The following CDYL variants were observed in gnomAD, a reference collection of about 807,000 sequenced individuals.
CDYL encodes the protein chromodomain Y like.
A neutral mutation model predicts 47.3 loss-of-function variants in CDYL; 8 were observed. That is an observed-to-expected ratio of 0.17 (90% confidence interval 0.10 to 0.31). The LOEUF (loss-of-function observed/expected upper bound fraction) is 0.31, where lower values mean the gene tolerates loss of function less well. CDYL is among the 10% of genes least tolerant of loss of function. The probability of loss-of-function intolerance (pLI) is 1.00; values close to 1 mark genes in which losing one functional copy is unlikely to be tolerated. For missense variants in CDYL, 471 were observed against 701.4 expected, an observed-to-expected ratio of 0.67 and a Z score of 3.71; for synonymous variants, 266 against 265.0, an observed-to-expected ratio of 1.00 and a Z score of -0.04.
At chr6:4,910,684 G>C (rs1016479490) in intron 2 of CDYL, among the ~76,000 whole-genome samples, 8 of 152,236 alleles carry the variant, frequency 5.3e-5, no homozygotes, top group African/African-American at 1.4e-4. Context: ...ACTATGAAGA[G>C]GGAAAAGGTG....
intron 1 of CDYL, among the ~76,000 whole-genome samples, chr6:4,782,731 A>G (rs1436892664): frequency 1.3e-5 from 2 of 152,220 alleles, no homozygotes; most frequent in African/African-American, 2.4e-5. Flanking sequence ...TCAGAGGGAT[A>G]TAGGACCCAA....
chr6:4,724,119 T>C (rs35836829), intron 2 of CDYL, among the ~76,000 whole-genome samples: 19,513 of 152,266 alleles, frequency 0.13, 1,530 homozygotes, highest in African/African-American at 0.23. Context: ...TGGCTCACTA[T>C]AACCTTGACC....
At chr6:4,939,488 A>G (rs1406871677) in intron 4 of CDYL, among the ~76,000 whole-genome samples, 1 of 152,218 alleles carries the variant, frequency 6.6e-6, no homozygotes, top group Non-Finnish European at 1.5e-5. Flanking sequence ...TATGATGTAC[A>G]CATGTATTTA....
At chr6:4,826,722 A>G (rs181774079) in intron 1 of CDYL, among the ~76,000 whole-genome samples, 62 of 152,260 alleles carry the variant, frequency 4.1e-4, no homozygotes, top group East Asian at 3.9e-3. Flanking sequence ...TAAGATTTCA[A>G]TTTCTTAAAA....
rs540271045 is a variant in CDYL, at chr6:4,712,234, G to A, written c.-38-3507G>A. On this transcript the variant is annotated intron_variant, in intron 1 of 8. Transcript: ENST00000328908. ...GACAGGGGCCCTGGAATTCAGGCTA[G>A]GAGCACATGTTCATGAGAGAATTAG... Among the ~76,000 whole-genome samples the A allele has an allele frequency of 2.6e-5, 4 of 152,276 alleles. No homozygotes were observed. The South Asian group carries it at 6.2e-4, about 24-fold the overall frequency.
intron 1 of CDYL, among the ~76,000 whole-genome samples, chr6:4,858,739 C>G (rs184043304): frequency 1.3e-5 from 2 of 152,294 alleles, no homozygotes; most frequent in East Asian, 1.9e-4. Flanking sequence ...TTGAATTAGA[C>G]TATTAGACTG....
At chr6:4,744,981 A>G (rs1757863539) in intron 3 of CDYL, among the ~76,000 whole-genome samples, 1 of 152,150 alleles carries the variant, frequency 6.6e-6, no homozygotes, top group African/African-American at 2.4e-5. Context: ...TTTTAGAGAC[A>G]GGCCCCTGGC....
At chr6:4,877,485 G>A (rs895506554) in intron 1 of CDYL, among the ~76,000 whole-genome samples, 6 of 152,236 alleles carry the variant, frequency 3.9e-5, no homozygotes, top group African/African-American at 1.4e-4. Flanking sequence ...GGCCTGTAAT[G>A]CATCTTGAAT....
In CDYL at chr6:4,879,772, C is replaced by T. The variant is rs142836406; in HGVS notation, c.25-11941C>T. Among the ~76,000 whole-genome samples, 1,165 of 152,136 alleles carry T rather than the reference C, an allele frequency of 7.7e-3. 17 individuals carry two copies. The highest frequency in any genetic ancestry group is 0.027 in the African/African-American group (1,123 of 41,478). ...GTGGGGTTTCACCATGTTGGCCAGGCTAGTCTTGGACTCCTGACCTCAGAT... is the reference window on the plus strand; with the variant it reads ...GTGGGGTTTCACCATGTTGGCCAGGTTAGTCTTGGACTCCTGACCTCAGAT... On this transcript the variant is annotated intron_variant, in intron 1 of 6. Transcript: ENST00000397588.
chr6:4,889,917 A>T, intron 1 of CDYL: 1 of 960,972 alleles, frequency 1.0e-6, no homozygotes, highest in Non-Finnish European at 1.2e-6. Context: ...CTGAGGAGGG[A>T]GGGACAGGAT....
rs1479641505 is a variant in CDYL at position 4,935,616 on chromosome 6, A to G, written c.793A>G (p.Arg265Gly). Residue 265 changes from arginine (R) to glycine (G), a missense_variant, in exon 3 of 7, where the codon AGA becomes GGA. Arg to Gly is a moderately radical substitution (Grantham distance 125). Transcript: ENST00000397588. ...TASKRKFIDD[R>G]RDQPFDKRLR... ...CAGCAAAAGGAAATTTATTGACGAC[A>G]GAAGAGACCAGCCTTTTGACAAGCG... 3 of 1,614,228 alleles carry G rather than the reference A, an allele frequency of 1.9e-6. No individual in the cohort carries two copies. The highest frequency in any genetic ancestry group is 2.5e-6 in the Non-Finnish European group (3 of 1,180,048).
In CDYL at chr6:4,928,482, A is replaced by G. The variant is rs574217099; in HGVS notation, c.692-7033A>G. ...GCAATTCTTCCCCTTGAACTAAGCTATCTCACAACATCTTAAAATGCCCTT... is the reference window on the plus strand; with the variant it reads ...GCAATTCTTCCCCTTGAACTAAGCTGTCTCACAACATCTTAAAATGCCCTT... On this transcript the variant is annotated intron_variant, in intron 2 of 6. Coordinates refer to ENST00000397588, the MANE Select transcript of CDYL (RefSeq NM_004824.4). 1.2e-4 allele frequency among the ~76,000 whole-genome samples: 18 copies of G among 152,324 alleles called. No individual in the cohort carries two copies. The East Asian group carries it at 2.7e-3, about 23-fold the overall frequency.
chr6:4,716,978 T>A (rs1459185439), intron 2 of CDYL, among the ~76,000 whole-genome samples: 1 of 152,034 alleles, frequency 6.6e-6, no homozygotes, highest in Non-Finnish European at 1.5e-5. Flanking sequence ...TTACATCTCA[T>A]TGGGAAAGAC....
intron 3 of CDYL, among the ~76,000 whole-genome samples, chr6:4,739,124 G>A (rs1475407805): frequency 1.3e-5 from 2 of 151,368 alleles, no homozygotes; most frequent in African/African-American, 4.9e-5. Context: ...TCACGCCATT[G>A]CACTCCAGCC....
intron 2 of CDYL, among the ~76,000 whole-genome samples, chr6:4,902,797 G>A (rs1485380962): frequency 2.0e-5 from 3 of 152,186 alleles, no homozygotes; most frequent in African/African-American, 4.8e-5. Flanking sequence ...TTTAACTAAC[G>A]TGGCTTGAGT....
chr6:4,718,882 T>C (rs1757319199), intron 2 of CDYL, among the ~76,000 whole-genome samples: 1 of 152,034 alleles, frequency 6.6e-6, no homozygotes, highest in African/African-American at 2.4e-5. Context: ...ATTCAGGTTA[T>C]ATTGATAGAC....
chr6:4,883,379 C>T (rs1467113842), intron 1 of CDYL, among the ~76,000 whole-genome samples: 1 of 152,190 alleles, frequency 6.6e-6, no homozygotes, highest in Non-Finnish European at 1.5e-5. Context: ...TGCCATTCCT[C>T]CTTGCCAGAC....
intron 2 of CDYL, among the ~76,000 whole-genome samples, chr6:4,909,050 C>T (rs1296573118): frequency 1.3e-5 from 2 of 152,210 alleles, no homozygotes; most frequent in Non-Finnish European, 2.9e-5. Context: ...CATAGACACA[C>T]CGTGCCTTGG....
chr6:4,869,351 C>T (rs1191588276), intron 1 of CDYL, among the ~76,000 whole-genome samples: 2 of 152,096 alleles, frequency 1.3e-5, no homozygotes, highest in African/African-American at 4.8e-5. Flanking sequence ...TCGCCTTGGC[C>T]TCCCAAGGCG....
Sources: gnomAD v4.1 joint callset for allele counts (sites outside exome capture counted in the v4.1 genomes callset) on GRCh38, gnomAD v4.1.1 for gene constraint, MANE v1.5 for transcripts, NCBI Gene and HGNC (gene_info 2026-07-23, HGNC 2026-07-21) for gene names.